SCARB1: variants seen among roughly 807,000 people sequenced by gnomAD.
SCARB1 encodes scavenger receptor class B member 1, also known as CD36 and LIMPII analogous 1.
Under a neutral mutation model 57.2 loss-of-function variants are expected in SCARB1, and 30 were observed. That is an observed-to-expected ratio of 0.52 (90% CI 0.39 to 0.71). The LOEUF (loss-of-function observed/expected upper bound fraction) is 0.71. Among genes scored for constraint, SCARB1 ranks in the 30% least tolerant of loss-of-function variants. The pLI, the probability that SCARB1 is intolerant of heterozygous loss-of-function variation, is 0.00. For synonymous variants in SCARB1, 249 were observed against 268.3 expected (o/e 0.93, Z 0.70); for missense variants, 543 against 671.2 (o/e 0.81, Z 2.11).
At chr12:124,815,712 A>C (rs972722802) in intron 2 of SCARB1, among the ~76,000 whole-genome samples, 7 of 152,188 alleles carry the variant, frequency 4.6e-5, no homozygotes, top group Non-Finnish European at 1.0e-4. Flanking sequence ...CTAAAAATAC[A>C]AAAATTAGCT....
chr12:124,863,524 G>C, intron 1 of SCARB1, 71 bp downstream of exon 1: 1 of 1,522,436 alleles, frequency 6.6e-7, no homozygotes, highest in Non-Finnish European at 8.9e-7. Context: ...CGCAACGCGC[G>C]GGTCCTCCCG....
At chr12:124,829,961 C>T (rs1951322519) in intron 1 of SCARB1, among the ~76,000 whole-genome samples, 1 of 152,216 alleles carries the variant, frequency 6.6e-6, no homozygotes, top group Non-Finnish European at 1.5e-5. Context: ...GCCCGGAATT[C>T]AGTCACAATG....
chr12:124,825,600 G>A (rs1350826900), intron 1 of SCARB1, among the ~76,000 whole-genome samples: 1 of 151,530 alleles, frequency 6.6e-6, no homozygotes, highest in Non-Finnish European at 1.5e-5. Context: ...GAGCCCAGGA[G>A]GCGGAGGTTG....
At chr12:124,857,115 C>T (rs572569088) in intron 1 of SCARB1, among the ~76,000 whole-genome samples, 54 of 152,206 alleles carry the variant, frequency 3.5e-4, no homozygotes, top group African/African-American at 1.3e-3. Flanking sequence ...CACGGAGAAC[C>T]GGGAGGACGC....
chr12:124,851,656 G>A (rs916538191), intron 1 of SCARB1, among the ~76,000 whole-genome samples: 1 of 141,860 alleles, frequency 7.0e-6, no homozygotes, highest in Non-Finnish European at 1.5e-5. Context: ...CACCTAGGCT[G>A]AAGTGCAGTG....
chr12:124,815,829 G>A (rs961123330), intron 2 of SCARB1, among the ~76,000 whole-genome samples: 3 of 152,074 alleles, frequency 2.0e-5, no homozygotes, highest in South Asian at 2.1e-4. Context: ...TCGCGCCACC[G>A]CACTCCAACC....
intron 1 of SCARB1, among the ~76,000 whole-genome samples, chr12:124,832,881 C>G (rs1175405995): frequency 2.6e-5 from 4 of 151,972 alleles, no homozygotes; most frequent in Non-Finnish European, 5.9e-5. Context: ...TGGCTCAGAT[C>G]AATACAAAGT....
chr12:124,815,664 A>G (rs1950684710), intron 2 of SCARB1, among the ~76,000 whole-genome samples: 1 of 152,172 alleles, frequency 6.6e-6, no homozygotes, highest in Non-Finnish European at 1.5e-5. Context: ...TCAGGAGTTC[A>G]AGACCATCCT....
Position 124,863,576 on chromosome 12 carries a change from T to G in SCARB1, c.126+19A>C, listed in dbSNP as rs1208692760. 8 of 1,599,642 alleles carry G rather than the reference T, an allele frequency of 5.0e-6. No individual in the cohort carries two copies. The highest frequency in any genetic ancestry group is 2.7e-5 in the African/African-American group (2 of 73,464). On this transcript the variant is annotated intron_variant, in intron 1 of 12. Transcript: ENST00000261693. ...AGCCCGGGTCCGTGCGCGGACCCCC[T>G]GGGGTCTCCCTCACCCACCTTAAGG...
intron 1 of SCARB1, among the ~76,000 whole-genome samples, chr12:124,844,528 C>T (rs1292787053): frequency 2.0e-5 from 3 of 152,090 alleles, no homozygotes; most frequent in South Asian, 4.1e-4. Context: ...TGTATTGGCG[C>T]GGGGGGCAGG....
intron 1 of SCARB1, chr12:124,862,470 C>T (rs566885603): frequency 1.3e-5 from 2 of 152,206 alleles, no homozygotes; most frequent in African/African-American, 4.8e-5. Context: ...CTAAGCAGAT[C>T]CTTCATTCAT....
intron 1 of SCARB1, among the ~76,000 whole-genome samples, chr12:124,831,019 A>C (rs1951366001): frequency 1.4e-5 from 2 of 147,212 alleles, no homozygotes; most frequent in African/African-American, 2.6e-5. Context: ...TCTGTCACCC[A>C]GGCTGGAGTG....
intron 1 of SCARB1, among the ~76,000 whole-genome samples, chr12:124,821,766 C>T (rs539157451): frequency 6.6e-6 from 1 of 152,200 alleles, no homozygotes; most frequent in Non-Finnish European, 1.5e-5. Context: ...GTCAGCCCTG[C>T]AGTCATTAAG....
At chr12:124,791,360 G>T (rs1949722844) in intron 9 of SCARB1, among the ~76,000 whole-genome samples, 1 of 152,102 alleles carries the variant, frequency 6.6e-6, no homozygotes, top group South Asian at 2.1e-4. Context: ...AGCCACTTAC[G>T]AGCTCTGTGA....
chr12:124,857,497 G>A (rs1368693617), intron 1 of SCARB1, among the ~76,000 whole-genome samples: 2 of 152,136 alleles, frequency 1.3e-5, no homozygotes, highest in Admixed American at 1.3e-4. Context: ...GGGAGGCAGG[G>A]GTGAGCTAAA....
In SCARB1 at chr12:124,807,805, G is replaced by C; in HGVS notation, c.965C>G (p.Pro322Arg). Residue 322 changes from proline to arginine, a missense_variant, in exon 7 of 13, where the codon CCG becomes CGG. By Grantham distance (103) the Pro-to-Arg change is moderately radical. Coordinates refer to ENST00000261693, the MANE Select transcript of SCARB1 (RefSeq NM_005505.5). This position sits in a 1 kb window ranked among gnomAD's most constrained non-coding sequence, Gnocchi z 5.3. ...SIYPPNEGFC[P>R]CLESGIQNVS... ...GTTCTGAATTCCAGACTCCAGGCAC[G>C]GGCAGAAGCCTTCGTTGGGTGGGTA... The C allele has an allele frequency of 1.6e-5, 26 of 1,614,126 alleles. No individual in the cohort carries two copies. The highest frequency in any genetic ancestry group is 2.1e-5 in the Non-Finnish European group (25 of 1,180,018).
intron 1 of SCARB1, among the ~76,000 whole-genome samples, chr12:124,863,184 G>A (rs1952971598): frequency 6.6e-6 from 1 of 151,228 alleles, no homozygotes; most frequent in African/African-American, 2.4e-5. Context: ...TAATTTTACC[G>A]GACCCTGCTA....
intron 1 of SCARB1, among the ~76,000 whole-genome samples, chr12:124,852,421 G>A (rs935690220): frequency 1.3e-5 from 2 of 152,190 alleles, no homozygotes; most frequent in East Asian, 1.9e-4. Context: ...GCTACAGCCC[G>A]AGGAGGGAGG....
rs1950749651 is a variant in SCARB1, at chr12:124,817,050, ATGTGTGTATGCATGTGTAGGTACATG to A, written c.284+474_284+499del. ...TGTGTGTGTGTGTGTGTGTGTGTGT[ATGTGTGTATGCATGTGTAGGTACATG>A]TGTGTGTATGTATGTGTGTGTGTAT... is the stretch of plus-strand genomic sequence containing the variant. On this transcript the variant is annotated intron_variant, in intron 2 of 12. Transcript: ENST00000261693. The surrounding 1 kb of genome is among the most constrained non-coding windows in gnomAD (Gnocchi z 4.8). Among the ~76,000 whole-genome samples, 1 of 133,650 alleles carries A rather than the reference ATGTGTGTATGCATGTGTAGGTACATG, an allele frequency of 7.5e-6. No individual in the cohort carries two copies. The highest frequency in any genetic ancestry group is 2.3e-4 in the East Asian group (1 of 4,346). 87.7% of individuals were successfully genotyped at this position (133,650 alleles called of 152,430 possible).
Sources: allele counts gnomAD v4.1 joint callset (sites outside exome capture counted in the v4.1 genomes callset), GRCh38; gene constraint gnomAD v4.1.1; non-coding constraint Gnocchi (gnomAD v3.1); transcripts MANE v1.5; gene names NCBI Gene and HGNC (gene_info 2026-07-23, HGNC 2026-07-21).